Variants in DYTN observed in about 807,000 individuals in gnomAD.
DYTN encodes dystrotelin.
A neutral mutation model predicts 69.6 loss-of-function variants in DYTN; 75 were observed. That is an observed-to-expected ratio of 1.08 (90% confidence interval 0.89 to 1.31). DYTN has a LOEUF of 1.31. Among genes scored for constraint, DYTN ranks in the 50% most tolerant of loss-of-function variants. DYTN has a pLI of 0.00. For synonymous variants in DYTN, 252 were observed against 249.1 expected, an observed-to-expected ratio of 1.01 and a Z score of -0.11; for missense variants, 726 against 688.4, an observed-to-expected ratio of 1.05 and a Z score of -0.61.
intron 10 of DYTN, 78 bp from the exon 11 acceptor site, chr2:206,663,473 C>G (rs1428565349): frequency 1.4e-6 from 2 of 1,417,218 alleles, no homozygotes; most frequent in Non-Finnish European, 1.9e-6. Context: ...TTTCAACATT[C>G]CAACAGAACA....
intron 11 of DYTN, among the ~76,000 whole-genome samples, chr2:206,655,339 G>A (rs968514190): frequency 4.0e-5 from 6 of 150,698 alleles, no homozygotes; most frequent in Non-Finnish European, 8.8e-5. Context: ...TTGAACTCCT[G>A]GGCTCAAATG....
intron 1 of DYTN, among the ~76,000 whole-genome samples, chr2:206,713,423 C>T (rs1236438446): frequency 3.3e-5 from 5 of 152,106 alleles, no homozygotes; most frequent in African/African-American, 4.8e-5. Flanking sequence ...CTGCTCCCAT[C>T]GCTGTGGTAG....
chr2:206,709,822 T>A (rs1454300160), intron 2 of DYTN, among the ~76,000 whole-genome samples: 1 of 152,246 alleles, frequency 6.6e-6, no homozygotes, highest in Non-Finnish European at 1.5e-5. Flanking sequence ...ACTTTAGATA[T>A]GCTGAATGCC....
At chr2:206,685,625 C>T (rs1320345297) in intron 9 of DYTN, among the ~76,000 whole-genome samples, 1 of 152,022 alleles carries the variant, frequency 6.6e-6, no homozygotes, top group African/African-American at 2.4e-5. Flanking sequence ...AAAACAGGTC[C>T]CTCAGGTGGG....
rs369572695 is a variant in DYTN, at chr2:206,679,708, A to T, written c.980+13467T>A. Among the ~76,000 whole-genome samples the T allele has an allele frequency of 8.5e-5, 13 of 152,342 alleles. No individual in the cohort carries two copies. In the East Asian group the frequency reaches 1.3e-3, roughly 16 times the overall value. On this transcript the variant is annotated intron_variant, in intron 9 of 11. Coordinates refer to ENST00000452335, the MANE Select transcript of DYTN (RefSeq NM_001093730.1). ...ACATCTAAAGAACAGATAAATATAG[A>T]ATCATTTTACACATAACATTATGCT...
At chr2:206,661,569 C>T (rs892192887) in intron 11 of DYTN, among the ~76,000 whole-genome samples, 2 of 152,140 alleles carry the variant, frequency 1.3e-5, no homozygotes, top group African/African-American at 4.8e-5. Context: ...TCAGCCTACT[C>T]AACATGAAAA....
intron 11 of DYTN, among the ~76,000 whole-genome samples, chr2:206,655,436 G>T (rs1321537659): frequency 6.6e-6 from 1 of 151,922 alleles, no homozygotes; most frequent in Admixed American, 6.6e-5. Flanking sequence ...TTGAGATAGG[G>T]TCTTGCTCTG....
At chr2:206,668,399 T>C (rs1465943739) in intron 9 of DYTN, among the ~76,000 whole-genome samples, 1 of 152,242 alleles carries the variant, frequency 6.6e-6, no homozygotes, top group African/African-American at 2.4e-5. Context: ...GAGATGCTTA[T>C]GGGTTGTTTC....
In DYTN at chr2:206,716,654, A is replaced by AG. The variant is rs553191300; in HGVS notation, c.19+1606dup. Among the ~76,000 whole-genome samples the AG allele has an allele frequency of 3.3e-4, 49 of 150,564 alleles. 2 individuals are homozygous for AG. In the East Asian group the frequency reaches 7.5e-3, roughly 23 times the overall value. On this transcript the variant is annotated intron_variant, in intron 1 of 11. Coordinates refer to ENST00000452335, the MANE Select transcript of DYTN (RefSeq NM_001093730.1). ...AGAAACTCCTCTGTCCTATGTTTGG[A>AG]GAAAAAAAAAATTGAGAGTAGGCAT...
At chr2:206,679,560 T>C (rs975414795) in intron 9 of DYTN, among the ~76,000 whole-genome samples, 3 of 152,196 alleles carry the variant, frequency 2.0e-5, no homozygotes, top group African/African-American at 7.2e-5. Context: ...TAAGGTCAGG[T>C]ATATTCTGTT....
Position 206,699,709 on chromosome 2 carries a change from T to C in DYTN, c.719+18A>G, listed in dbSNP as rs544164096. On this transcript the variant is annotated intron_variant, in intron 7 of 11. Transcript: ENST00000452335. ...ATATGGAGAATGATAATCCAAGAAATGCTGCTGATGACTGTACCTGAGTCC... is the reference window on the plus strand; with the variant it reads ...ATATGGAGAATGATAATCCAAGAAACGCTGCTGATGACTGTACCTGAGTCC... 1.5e-5 allele frequency: 24 copies of C among 1,603,168 alleles called. No homozygotes were observed. The African/African-American group carries it at 1.9e-4, about 13-fold the overall frequency.
At chr2:206,673,323 T>G (rs1377154891) in intron 9 of DYTN, among the ~76,000 whole-genome samples, 1 of 152,176 alleles carries the variant, frequency 6.6e-6, no homozygotes, top group African/African-American at 2.4e-5. Flanking sequence ...AATGGCACAG[T>G]CTTGGCTCAC....
chr2:206,686,385 A>T (rs1192647295), intron 9 of DYTN: 1 of 152,238 alleles, frequency 6.6e-6, no homozygotes, highest in Admixed American at 6.5e-5. Context: ...TAAGGAGTCC[A>T]TTTCATTTCT....
chr2:206,661,987 C>G (rs1008986065), intron 11 of DYTN, among the ~76,000 whole-genome samples: 7 of 152,112 alleles, frequency 4.6e-5, no homozygotes, highest in Non-Finnish European at 2.9e-5. Context: ...TTGTTCATTT[C>G]CCAGGCTAGC....
intron 11 of DYTN, among the ~76,000 whole-genome samples, chr2:206,656,365 T>G (rs1433095935): frequency 6.6e-6 from 1 of 152,194 alleles, no homozygotes; most frequent in African/African-American, 2.4e-5. Flanking sequence ...TCAGCCTTTG[T>G]GTCCTTAAAT....
chr2:206,670,198 C>A (rs1302004435), intron 9 of DYTN, among the ~76,000 whole-genome samples: 2 of 152,168 alleles, frequency 1.3e-5, no homozygotes, highest in African/African-American at 2.4e-5. Context: ...AAGATATACA[C>A]AAGAATCAAT....
At chr2:206,709,667 T>C (rs922962114) in intron 2 of DYTN, among the ~76,000 whole-genome samples, 1 of 152,148 alleles carries the variant, frequency 6.6e-6, no homozygotes, top group Admixed American at 6.5e-5. Context: ...TATAACTTTT[T>C]AGGCAGGAGG....
At chr2:206,672,043 A>T (rs1286295575) in intron 9 of DYTN, among the ~76,000 whole-genome samples, 2 of 152,226 alleles carry the variant, frequency 1.3e-5, no homozygotes, top group African/African-American at 4.8e-5. Flanking sequence ...GCGTACACAC[A>T]TACACACACA....
chr2:206,686,059 T>A (rs1046832275), intron 9 of DYTN, among the ~76,000 whole-genome samples: 3 of 151,838 alleles, frequency 2.0e-5, no homozygotes, highest in African/African-American at 7.2e-5. Context: ...ATCTACAAAC[T>A]TCATAAGCAA....
Sources: allele counts gnomAD v4.1 joint callset (sites outside exome capture counted in the v4.1 genomes callset), GRCh38; gene constraint gnomAD v4.1.1; transcripts MANE v1.5; gene names NCBI Gene and HGNC (gene_info 2026-07-23, HGNC 2026-07-21).